The following NTM variants were observed in gnomAD, a reference collection of about 807,000 sequenced individuals.
NTM encodes neurotrimin.
A neutral mutation model predicts 42.1 loss-of-function variants in NTM; 13 were observed. The ratio of observed to expected loss-of-function variants is 0.31; its 90% CI spans 0.20 to 0.49. The LOEUF (loss-of-function observed/expected upper bound fraction) is 0.49. Among genes scored for constraint, NTM ranks in the 20% least tolerant of loss-of-function variants. The probability of loss-of-function intolerance (pLI) is 0.99; values close to 1 mark genes in which losing one functional copy is unlikely to be tolerated. For missense variants in NTM, 373 were observed against 452.8 expected (o/e 0.82, Z 1.60); for synonymous variants, 187 against 179.2 (o/e 1.04, Z -0.35).
chr11:131,414,202 T>G (rs903442767), intron 1 of NTM, among the ~76,000 whole-genome samples: 4 of 152,112 alleles, frequency 2.6e-5, no homozygotes, highest in Non-Finnish European at 5.9e-5. Context: ...TAGAGACACA[T>G]GTTACACTGT....
At chr11:132,078,227 A>G (rs2058607935) in intron 2 of NTM, among the ~76,000 whole-genome samples, 2 of 152,210 alleles carry the variant, frequency 1.3e-5, no homozygotes. Flanking sequence ...TAGTTTCTCA[A>G]GGATTCCAAA....
intron 1 of NTM, among the ~76,000 whole-genome samples, chr11:131,570,941 G>C (rs2057386379): frequency 1.3e-5 from 2 of 152,242 alleles, no homozygotes; most frequent in South Asian, 4.1e-4. Context: ...GCTCTCCAGA[G>C]GGAAGAGAGT....
chr11:131,390,745 G>C (rs1943898617), intron 1 of NTM, among the ~76,000 whole-genome samples: 1 of 152,156 alleles, frequency 6.6e-6, no homozygotes, highest in Admixed American at 6.5e-5. Flanking sequence ...GCAGCATCAG[G>C]GTCCCCTGGC....
chr11:132,233,750 TC>T (rs2088148077), intron 4 of NTM, among the ~76,000 whole-genome samples: 1 of 152,202 alleles, frequency 6.6e-6, no homozygotes, highest in Admixed American at 6.5e-5. Flanking sequence ...AGTCTGCCAA[TC>T]CCTGCACTGC....
chr11:131,726,384 C>T (rs533651910), intron 1 of NTM, among the ~76,000 whole-genome samples: 3 of 145,114 alleles, frequency 2.1e-5, no homozygotes, highest in South Asian at 2.1e-4. Flanking sequence ...CTTCCTCTGT[C>T]TCCTGGCCCC....
intron 1 of NTM, among the ~76,000 whole-genome samples, chr11:131,415,540 G>A (rs1178774840): frequency 6.6e-6 from 1 of 152,156 alleles, no homozygotes. Flanking sequence ...TGCACATCTA[G>A]TAAAGAGTAG....
intron 2 of NTM, among the ~76,000 whole-genome samples, chr11:131,989,746 AACACAT>A (rs966901667): frequency 2.9e-5 from 4 of 136,030 alleles, no homozygotes; most frequent in African/African-American, 1.1e-4. Context: ...CACACACATG[AACACAT>A]ACACATACAC....
At chr11:131,663,770 G>A (rs1168661831) in intron 1 of NTM, among the ~76,000 whole-genome samples, 1 of 152,058 alleles carries the variant, frequency 6.6e-6, no homozygotes, top group Non-Finnish European at 1.5e-5. Flanking sequence ...CTTACCAAGT[G>A]TCAGACGTCT....
intron 1 of NTM, among the ~76,000 whole-genome samples, chr11:131,850,154 T>C (rs922893116): frequency 2.6e-5 from 4 of 152,074 alleles, no homozygotes; most frequent in Non-Finnish European, 5.9e-5. Context: ...AATCATTCCA[T>C]TGACAGGTAA....
At chr11:132,029,355 A>T (rs1418350400) in intron 2 of NTM, among the ~76,000 whole-genome samples, 3 of 76,192 alleles carry the variant, frequency 3.9e-5, no homozygotes, top group African/African-American at 1.6e-4. Context: ...CCCACCCCAC[A>T]ACAGGCCCCG....
At chr11:132,264,528 A>T (rs1381029870) in intron 4 of NTM, among the ~76,000 whole-genome samples, 3 of 152,166 alleles carry the variant, frequency 2.0e-5, no homozygotes. Flanking sequence ...AAATCTGTCA[A>T]TCTATTCCTT....
At chr11:131,859,011 G>A (rs907811014) in intron 1 of NTM, among the ~76,000 whole-genome samples, 2 of 152,146 alleles carry the variant, frequency 1.3e-5, no homozygotes, top group Admixed American at 6.5e-5. Flanking sequence ...GCCAGTCAGA[G>A]TTTTGCCGCA....
chr11:131,780,926 G>A (rs1450049688), intron 1 of NTM, among the ~76,000 whole-genome samples: 1 of 152,094 alleles, frequency 6.6e-6, no homozygotes, highest in Non-Finnish European at 1.5e-5. Flanking sequence ...AGATTTGCTG[G>A]AATCTGTGTC....
rs192930077 is a variant in NTM at position 131,985,515 on chromosome 11, C to T, written c.167+73867C>T. Among the ~76,000 whole-genome samples the T allele has an allele frequency of 1.6e-4, 25 of 152,318 alleles. 1 individual carries two copies. The East Asian group carries it at 2.3e-3, about 14-fold the overall frequency. On this transcript the variant is annotated intron_variant, in intron 2 of 8. Transcript: ENST00000683400. ...TGCAACACCGTGCTACTGGCAACCA[C>T]GGGTGTCAGGCTTGGCCTCAGGCGG...
intron 1 of NTM, among the ~76,000 whole-genome samples, chr11:131,562,097 C>A (rs2056308020): frequency 6.6e-6 from 1 of 152,098 alleles, no homozygotes; most frequent in African/African-American, 2.4e-5. Flanking sequence ...AGGGTCCCAA[C>A]TGGTGCTGGG....
chr11:131,553,402 C>T (rs2054972567), intron 1 of NTM, among the ~76,000 whole-genome samples: 4 of 152,146 alleles, frequency 2.6e-5, no homozygotes, highest in Admixed American at 2.6e-4. Context: ...CATGACTTAC[C>T]ACGCAGCTTC....
intron 7 of NTM, among the ~76,000 whole-genome samples, chr11:132,315,444 A>G (rs1180005450): frequency 6.6e-6 from 1 of 152,124 alleles, no homozygotes; most frequent in Non-Finnish European, 1.5e-5. Context: ...GATTCTCCCT[A>G]AAGGCCACAG....
At chr11:131,705,041 A>G (rs1304275827) in intron 1 of NTM, among the ~76,000 whole-genome samples, 1 of 152,214 alleles carries the variant, frequency 6.6e-6, no homozygotes, top group East Asian at 1.9e-4. Flanking sequence ...GACAAAGAGA[A>G]TGGGGCAGCA....
At chr11:131,446,817 AG>A (rs1224886865) in intron 1 of NTM, among the ~76,000 whole-genome samples, 2 of 152,224 alleles carry the variant, frequency 1.3e-5, no homozygotes, top group Non-Finnish European at 2.9e-5. Flanking sequence ...GCATACTTGG[AG>A]GCCTCCATCC....
Sources: allele counts gnomAD v4.1 joint callset (sites outside exome capture counted in the v4.1 genomes callset), GRCh38; gene constraint gnomAD v4.1.1; transcripts MANE v1.5; gene names NCBI Gene and HGNC (gene_info 2026-07-23, HGNC 2026-07-21).